C4orf17: variants seen among roughly 807,000 people sequenced by gnomAD.
The protein encoded by C4orf17 is chromosome 4 open reading frame 17.
In C4orf17, 25 loss-of-function variants were observed where a neutral mutation model predicts 32.0. The observed-to-expected ratio is 0.78, with a 90% confidence interval of 0.57 to 1.09. The LOEUF is 1.09. C4orf17 is among the 50% of genes least tolerant of loss of function. C4orf17 has a pLI of 0.00. For missense variants in C4orf17, 420 were observed against 420.0 expected (o/e 1.00, Z 0.00); for synonymous variants, 149 against 145.8 (o/e 1.02, Z -0.16).
chr4:99,520,421 CT>C (rs1345778826), intron 2 of C4orf17, among the ~76,000 whole-genome samples: 6 of 152,264 alleles, frequency 3.9e-5, no homozygotes, highest in African/African-American at 7.2e-5. Flanking sequence ...TTAATTGAAA[CT>C]TTTTTTCCTA....
chr4:99,535,248 G>T (rs371846358), intron 5 of C4orf17, among the ~76,000 whole-genome samples: 1 of 151,998 alleles, frequency 6.6e-6, no homozygotes, highest in African/African-American at 2.4e-5. Flanking sequence ...ATCTTACCAG[G>T]GTTCTCCAGA....
At chr4:99,536,079 G>A (rs1723557072) in intron 5 of C4orf17, 1 of 397,242 alleles carries the variant, frequency 2.5e-6, no homozygotes, top group Non-Finnish European at 4.9e-6. Context: ...CAGCAAAGGT[G>A]TCTGCCTGCT....
Position 99,529,796 on chromosome 4 carries a change from T to C in C4orf17, c.403-19T>C, listed in dbSNP as rs1307700471. The stretch of plus-strand genomic sequence containing the variant: ...GGTGGATGCAAATGTATATTGGTTA[T>C]ATTATACTTTTGATTTAGGAAGAAA... On this transcript the variant is annotated intron_variant, in intron 4 of 8. Coordinates refer to ENST00000326581, the MANE Select transcript of C4orf17 (RefSeq NM_032149.3). The C allele has an allele frequency of 1.3e-6, 2 of 1,592,252 alleles. No homozygotes were observed. Among genetic ancestry groups the C allele is most frequent in the South Asian group, 1.1e-5 (1 of 87,934 alleles).
intron 2 of C4orf17, among the ~76,000 whole-genome samples, chr4:99,515,856 C>A (rs528631941): frequency 5.6e-4 from 85 of 151,796 alleles, no homozygotes; most frequent in Admixed American, 1.5e-3. Context: ...AAGGGCAGAT[C>A]CTGGAGATAG....
chr4:99,531,023 C>T (rs1019374274), intron 5 of C4orf17, among the ~76,000 whole-genome samples: 2 of 152,030 alleles, frequency 1.3e-5, no homozygotes, highest in Non-Finnish European at 2.9e-5. Context: ...ATCACCTGCT[C>T]ATTAAGGTCT....
chr4:99,512,451 C>A (rs56347569), intron 1 of C4orf17, among the ~76,000 whole-genome samples: 14,127 of 152,136 alleles, frequency 0.093, 945 homozygotes, highest in Non-Finnish European at 0.14. Context: ...AACAACATGG[C>A]AAAGGTTCTC....
At chr4:99,511,306 C>G (rs1293410627) in intron 1 of C4orf17, 34 bp downstream of exon 1, 1 of 151,928 alleles carries the variant, frequency 6.6e-6, no homozygotes, top group Non-Finnish European at 1.5e-5. Flanking sequence ...CAATAATGTT[C>G]TAAAATTTTA....
chr4:99,512,707 G>A (rs964854260), intron 1 of C4orf17, among the ~76,000 whole-genome samples: 1 of 151,996 alleles, frequency 6.6e-6, no homozygotes, highest in Non-Finnish European at 1.5e-5. Flanking sequence ...AACAAAGTGA[G>A]CTCAAATGAA....
intron 2 of C4orf17, among the ~76,000 whole-genome samples, chr4:99,518,570 G>GAT (rs1723233388): frequency 7.8e-6 from 1 of 128,502 alleles, no homozygotes; most frequent in African/African-American, 3.3e-5. Context: ...GAGAGAGAGA[G>GAT]AGAGAGAGAG....
At chr4:99,535,937 TG>T in intron 5 of C4orf17, 4 of 440,782 alleles carry the variant, frequency 9.1e-6, no homozygotes, top group Non-Finnish European at 1.8e-5. Context: ...TTGTTGTTGT[TG>T]TTTTTTTCTG....
rs1408654415 is a variant in C4orf17, at chr4:99,518,505, AAAAAAAAAAAAAAATAT to A, written c.128-3993_128-3977del. Among the ~76,000 whole-genome samples, 164 of 73,802 alleles carry A rather than the reference AAAAAAAAAAAAAAATAT, an allele frequency of 2.2e-3. 7 individuals are homozygous for A. Among genetic ancestry groups the A allele is most frequent in the African/African-American group, 0.012 (152 of 13,012 alleles). The allele number at this position is 73,802 out of a possible 152,430, so 48.4% of individuals were successfully genotyped here. A position where few individuals can be genotyped will look rare whatever the true frequency, so the allele number is the denominator to read the frequency against. ...CTCTTTAAAAAAAAAAAAAAAAAAA[AAAAAAAAAAAAAAATAT>A]ATATATATATATATATATATATAGA... is the stretch of plus-strand genomic sequence containing the variant. On this transcript the variant is annotated intron_variant, in intron 2 of 8. Coordinates refer to ENST00000326581, the MANE Select transcript of C4orf17 (RefSeq NM_032149.3).
intron 2 of C4orf17, among the ~76,000 whole-genome samples, chr4:99,517,287 G>A: frequency 6.6e-6 from 1 of 152,148 alleles, no homozygotes; most frequent in East Asian, 1.9e-4. Flanking sequence ...CAGATTAGTA[G>A]GCCATGGTTC....
Position 99,529,950 on chromosome 4 carries a change from G to T in C4orf17, c.538G>T (p.Glu180Ter), listed in dbSNP as rs562665798. Reference protein sequence around the residue: ...TICIPNYLDQEIKILAKLCSI... With the variant: ...TICIPNYLDQ Reference sequence around the variant, plus strand: ...TTGCATACCAAACTATCTGGATCAGGAAATAAAAGTAAGTATCAGGTTTAT... The same window carrying T: ...TTGCATACCAAACTATCTGGATCAGTAAATAAAAGTAAGTATCAGGTTTAT... Residue 180 changes from glutamate (E) to a stop codon, truncating the protein, a stop_gained, in exon 5 of 9, where the codon GAA (glutamate) becomes TAA (stop). Coordinates refer to ENST00000326581, the MANE Select transcript of C4orf17 (RefSeq NM_032149.3). LOFTEE classifies it high-confidence loss of function. 2.6e-5 allele frequency: 42 copies of T among 1,606,200 alleles called. No individual in the cohort carries two copies. The highest frequency in any genetic ancestry group is 3.1e-5 in the Non-Finnish European group (37 of 1,177,110).
At position 99,539,148 on chromosome 4, in the gene C4orf17, T is replaced by C; in HGVS notation, c.629-15T>C. 1 of 1,610,928 alleles carries C rather than the reference T, an allele frequency of 6.2e-7. No individual in the cohort carries two copies. Among genetic ancestry groups the C allele is most frequent in the Non-Finnish European group, 8.5e-7 (1 of 1,177,312 alleles). On this transcript the variant is annotated splice_polypyrimidine_tract_variant and intron_variant, in intron 6 of 8. Coordinates refer to ENST00000326581, the MANE Select transcript of C4orf17 (RefSeq NM_032149.3). ...AACCTTCACTCCTCCCACCCTTTTT[T>C]GTCTTTTAAACCAGAAAAAGAGTGG...
chr4:99,531,648 C>T (rs1723478202), intron 5 of C4orf17, among the ~76,000 whole-genome samples: 1 of 152,126 alleles, frequency 6.6e-6, no homozygotes, highest in Non-Finnish European at 1.5e-5. Context: ...CAACTGATTT[C>T]TTAGCACTCA....
intron 3 of C4orf17, 105 bp from the exon 4 acceptor site, chr4:99,524,416 A>G: frequency 1.7e-6 from 1 of 582,582 alleles, no homozygotes; most frequent in Non-Finnish European, 2.8e-6. Context: ...AATTGACCTT[A>G]AAGTCAGAAA....
chr4:99,514,607 T>C (rs1308709959), intron 2 of C4orf17, among the ~76,000 whole-genome samples: 2 of 152,106 alleles, frequency 1.3e-5, no homozygotes, highest in Non-Finnish European at 2.9e-5. Flanking sequence ...AAACAATAGA[T>C]GTTGGTGTGG....
chr4:99,528,022 A>G lies in C4orf17; in HGVS notation c.403-1793A>G, dbSNP rs550105515. Among the ~76,000 whole-genome samples, 5 of 152,210 alleles carry G rather than the reference A, an allele frequency of 3.3e-5. No individual in the cohort carries two copies. In the South Asian group the frequency reaches 1.0e-3, roughly 32 times the overall value. ...TGTTACAAAACTGTTCAGATTTTCT[A>G]TTTCTCCTTGAATCAGTTTTTGGTA... On this transcript the variant is annotated intron_variant, in intron 4 of 8. Transcript: ENST00000326581.
chr4:99,522,937 T>C (rs1463025143), intron 3 of C4orf17, among the ~76,000 whole-genome samples: 2 of 152,142 alleles, frequency 1.3e-5, no homozygotes, highest in Non-Finnish European at 2.9e-5. Context: ...CTAAGACATA[T>C]TTGGTGTGGT....
Sources: allele counts gnomAD v4.1 joint callset (sites outside exome capture counted in the v4.1 genomes callset), GRCh38; gene constraint gnomAD v4.1.1; transcripts MANE v1.5; gene names NCBI Gene and HGNC (gene_info 2026-07-23, HGNC 2026-07-21).